Variants in TCF7L2 observed in about 807,000 individuals in gnomAD.
TCF7L2 encodes transcription factor 7-like 2.
Under a neutral mutation model 77.9 loss-of-function variants are expected in TCF7L2, and 23 were observed. That is an observed-to-expected ratio of 0.30 (90% CI 0.21 to 0.42). The LOEUF (loss-of-function observed/expected upper bound fraction) is 0.42, where lower values mean the gene tolerates loss of function less well. Among genes scored for constraint, TCF7L2 ranks in the 10% least tolerant of loss-of-function variants. The pLI, the probability that TCF7L2 is intolerant of heterozygous loss-of-function variation, is 1.00. For synonymous variants in TCF7L2, 413 were observed against 340.2 expected (o/e 1.21, Z -2.36); for missense variants, 654 against 793.1 (o/e 0.82, Z 2.11).
rs145498082 is a variant in TCF7L2 at position 113,152,260 on chromosome 10, G to A, written c.1162-73G>A. On this transcript the variant is annotated intron_variant, in intron 10 of 13. Transcript: ENST00000627217. Reference sequence around the variant, plus strand: ...GCATTATTTATCCCCTGACCTTGGCGTAATGTGTGATGTTCTTTCATGCTT... The same window carrying A: ...GCATTATTTATCCCCTGACCTTGGCATAATGTGTGATGTTCTTTCATGCTT... 4.3e-5 allele frequency: 57 copies of A among 1,314,718 alleles called. No individual in the cohort carries two copies. The African/African-American group carries it at 5.8e-4, about 13-fold the overall frequency. The allele number at this position is 1,314,718 out of a possible 1,614,324, so 81.4% of individuals were successfully genotyped here.
chr10:112,985,756 T>C (rs137965063), intron 4 of TCF7L2, among the ~76,000 whole-genome samples: 1 of 152,000 alleles, frequency 6.6e-6, no homozygotes, highest in East Asian at 1.9e-4. Context: ...TGCCCCCCCC[T>C]TCACTTGGGA....
chr10:113,037,380 C>T (rs1163897600), intron 4 of TCF7L2, among the ~76,000 whole-genome samples: 1 of 152,160 alleles, frequency 6.6e-6, no homozygotes, highest in Non-Finnish European at 1.5e-5. Flanking sequence ...GGGCTGTCTT[C>T]CTGCACCATC....
At chr10:113,140,696 G>C (rs2068198192) in intron 5 of TCF7L2, among the ~76,000 whole-genome samples, 1 of 152,156 alleles carries the variant, frequency 6.6e-6, no homozygotes, top group Admixed American at 6.5e-5. Flanking sequence ...GGAGCTGTCG[G>C]GGGGTGGCTA....
chr10:113,086,853 C>G (rs1472160981), intron 5 of TCF7L2, among the ~76,000 whole-genome samples: 1 of 151,752 alleles, frequency 6.6e-6, no homozygotes, highest in African/African-American at 2.4e-5. Context: ...ACATCTCCTA[C>G]CCCCCTAAAA....
Position 113,144,044 on chromosome 10 carries a change from T to C in TCF7L2, c.788+19T>C. 1 of 1,596,714 alleles carries C rather than the reference T, an allele frequency of 6.3e-7. No homozygotes were observed. The highest frequency in any genetic ancestry group is 8.6e-7 in the Non-Finnish European group (1 of 1,164,846). ...TACCACAGTAAGGAGTTCCATTTTT[T>C]AATTTCCTTTTTGTTTCTTACATGG... is the stretch of plus-strand genomic sequence containing the variant. On this transcript the variant is annotated intron_variant, in intron 7 of 13. Coordinates refer to ENST00000627217, the MANE Select transcript of TCF7L2 (RefSeq NM_001146274.2).
chr10:113,062,540 C>A (rs568108236), intron 5 of TCF7L2, among the ~76,000 whole-genome samples: 1 of 151,956 alleles, frequency 6.6e-6, no homozygotes, highest in Non-Finnish European at 1.5e-5. Flanking sequence ...ATGGCTACTG[C>A]ACTTTTTTTT....
chr10:113,019,061 G>C (rs2047842518), intron 4 of TCF7L2, among the ~76,000 whole-genome samples: 1 of 152,234 alleles, frequency 6.6e-6, no homozygotes, highest in South Asian at 2.1e-4. Context: ...AATTGCACCT[G>C]TCCTGGCAGA....
intron 5 of TCF7L2, among the ~76,000 whole-genome samples, chr10:113,118,520 G>GGTGTGT (rs34806588): frequency 1.5e-3 from 212 of 141,518 alleles, no homozygotes; most frequent in South Asian, 2.3e-3. Context: ...TCATCTGGGG[G>GGTGTGT]GTGTGTGTGT....
rs143452182 is a variant in TCF7L2, at chr10:113,127,046, C to T, written c.553-14138C>T. The T allele has an allele frequency of 5.3e-5, 27 of 514,268 alleles. No homozygotes were observed. The East Asian group carries it at 3.6e-3, about 68-fold the overall frequency. 31.9% of individuals were successfully genotyped at this position (514,268 alleles called of 1,614,324 possible). ...TGCGGTAACTTTCAGGTTGATGTAC[C>T]TTGACTGGTAAGCTGCCGGGGTGGA... On this transcript the variant is annotated intron_variant, in intron 5 of 13. Coordinates refer to ENST00000627217, the MANE Select transcript of TCF7L2 (RefSeq NM_001146274.2).
At position 113,124,558 on chromosome 10, in the gene TCF7L2, A is replaced by G. The variant is rs371101282; in HGVS notation, c.553-16626A>G. Among the ~76,000 whole-genome samples, 4 of 152,180 alleles carry G rather than the reference A, an allele frequency of 2.6e-5. No homozygotes were observed. In the East Asian group the frequency reaches 7.7e-4, roughly 29 times the overall value. On this transcript the variant is annotated intron_variant, in intron 5 of 13. Coordinates refer to ENST00000627217, the MANE Select transcript of TCF7L2 (RefSeq NM_001146274.2). ...CCTAAAACATCTAAGAAATCGCCGT[A>G]TATATCTATGTATGCATATATGTAT...
At chr10:112,968,135 T>A (rs2037416886) in intron 4 of TCF7L2, among the ~76,000 whole-genome samples, 1 of 152,162 alleles carries the variant, frequency 6.6e-6, no homozygotes, top group South Asian at 2.1e-4. Flanking sequence ...TGGGACACCT[T>A]TACTGTCAAG....
chr10:113,063,210 C>T (rs142499125), intron 5 of TCF7L2, among the ~76,000 whole-genome samples: 132 of 152,290 alleles, frequency 8.7e-4, no homozygotes, highest in African/African-American at 3.0e-3. Context: ...CCGATGCCTA[C>T]ATATGTCTTA....
At chr10:113,089,501 C>A (rs1429596678) in intron 5 of TCF7L2, 1 of 1,613,794 alleles carries the variant, frequency 6.2e-7, no homozygotes. Flanking sequence ...TGAAAAGGAG[C>A]CACTCCTTAC....
chr10:112,961,837 G>A (rs1478827307), intron 3 of TCF7L2, among the ~76,000 whole-genome samples: 15 of 151,718 alleles, frequency 9.9e-5, no homozygotes, highest in Non-Finnish European at 1.9e-4. Flanking sequence ...CTGGGGGGTG[G>A]GGTGGGGGGC....
chr10:113,035,408 G>A (rs369162640), intron 4 of TCF7L2, among the ~76,000 whole-genome samples: 8 of 152,268 alleles, frequency 5.3e-5, no homozygotes, highest in South Asian at 2.1e-4. Flanking sequence ...GGCTTGCCAC[G>A]TGCTTTTTTC....
Position 112,970,654 on chromosome 10 carries a change from G to T in TCF7L2, c.450+6030G>T, listed in dbSNP as rs570705286. On this transcript the variant is annotated intron_variant, in intron 4 of 13. Transcript: ENST00000627217. Reference sequence around the variant, plus strand: ...ACCAGCGGACTGGCCCAGCATTGAAGAATGAGGTGGCAGTGTTTGCAGGGC... The same window carrying T: ...ACCAGCGGACTGGCCCAGCATTGAATAATGAGGTGGCAGTGTTTGCAGGGC... Among the ~76,000 whole-genome samples, 4 of 152,232 alleles carry T rather than the reference G, an allele frequency of 2.6e-5. No homozygotes were observed. The South Asian group carries it at 8.3e-4, about 32-fold the overall frequency.
chr10:112,966,405 A>G (rs988998470), intron 4 of TCF7L2, among the ~76,000 whole-genome samples: 16 of 151,756 alleles, frequency 1.1e-4, no homozygotes, highest in Admixed American at 9.2e-4. Context: ...TTTGATGGAC[A>G]GCATAGTAAG....
At chr10:113,130,866 A>G in intron 5 of TCF7L2, among the ~76,000 whole-genome samples, 1 of 152,062 alleles carries the variant, frequency 6.6e-6, no homozygotes, top group South Asian at 2.1e-4. Flanking sequence ...CCCGGGTTCA[A>G]GCAATTCCCC....
intron 13 of TCF7L2, among the ~76,000 whole-genome samples, chr10:113,162,696 T>C (rs1298205804): frequency 6.6e-6 from 1 of 152,220 alleles, no homozygotes; most frequent in Non-Finnish European, 1.5e-5. Flanking sequence ...CTCAGCAGTG[T>C]TCAGACTTTC....
Sources: allele counts gnomAD v4.1 joint callset (sites outside exome capture counted in the v4.1 genomes callset), GRCh38; gene constraint gnomAD v4.1.1; transcripts MANE v1.5; gene names NCBI Gene and HGNC (gene_info 2026-07-23, HGNC 2026-07-21).